The following MACF1 variants were observed in gnomAD, a reference collection of about 807,000 sequenced individuals.
MACF1 encodes the protein microtubule-actin cross-linking factor 1.
A neutral mutation model predicts 854.8 loss-of-function variants in MACF1; 193 were observed. That is an observed-to-expected ratio of 0.23 (90% CI 0.20 to 0.25). MACF1 has a LOEUF of 0.25. Among genes scored for constraint, MACF1 ranks in the 10% least tolerant of loss-of-function variants. The pLI, the probability that MACF1 is intolerant of heterozygous loss-of-function variation, is 1.00. For missense variants in MACF1, 7,722 were observed against 8,929.1 expected (o/e 0.86, Z 5.45); for synonymous variants, 3,185 against 3,226.7 (o/e 0.99, Z 0.44).
intron 15 of MACF1, among the ~76,000 whole-genome samples, chr1:39,289,875 A>AT (rs1258542996): frequency 6.6e-6 from 1 of 151,208 alleles, no homozygotes; most frequent in Non-Finnish European, 1.5e-5. Context: ...CTAATTTTGT[A>AT]TTTTTAGTAG....
chr1:39,379,123 G>A, intron 53 of MACF1, 80 bp from the exon 54 acceptor site: 1 of 1,383,794 alleles, frequency 7.2e-7, no homozygotes, highest in Non-Finnish European at 9.8e-7. Context: ...TAAGAGAGAT[G>A]CAAGTAATTT....
rs1197959645 is a variant in MACF1 at position 39,331,263 on chromosome 1, A to G, written c.4675A>G (p.Lys1559Glu). 2 of 1,611,544 alleles carry G rather than the reference A, an allele frequency of 1.2e-6. No homozygotes were observed. Among genetic ancestry groups the G allele is most frequent in the Admixed American group, 3.3e-5 (2 of 59,730 alleles). The change falls in exon 37 of 101, where the codon AAA becomes GAA. Residue 1559 changes from lysine to glutamate, a missense_variant. By Grantham distance (56) the Lys-to-Glu change is moderately conservative. This residue lies in a region of MACF1 where 1,531 missense variants were observed against 1,601.6 expected (regional missense o/e 0.96). Transcript: ENST00000564288. ...LGTVEIFPIF[K>E]AMQKGLLDQD... ...CACAGTGGAGATATTTCCCATCTTC[A>G]AAGCCATGCAAAAGGGCCTCCTTGA...
intron 58 of MACF1, among the ~76,000 whole-genome samples, chr1:39,390,628 C>A (rs1310132456): frequency 6.6e-6 from 1 of 152,148 alleles, no homozygotes; most frequent in African/African-American, 2.4e-5. Flanking sequence ...TGTGGCCTTC[C>A]CTGTTTCAGC....
At chr1:39,162,587 C>T (rs961497378) in intron 2 of MACF1, among the ~76,000 whole-genome samples, 4 of 152,124 alleles carry the variant, frequency 2.6e-5, no homozygotes, top group Admixed American at 2.0e-4. Context: ...TGTTTTAGAG[C>T]ATATCACATT....
chr1:39,146,579 C>T (rs998662729), intron 2 of MACF1, among the ~76,000 whole-genome samples: 2 of 151,892 alleles, frequency 1.3e-5, no homozygotes, highest in African/African-American at 4.8e-5. Flanking sequence ...TTATGTTAAG[C>T]GAAATAAGCC....
intron 2 of MACF1, among the ~76,000 whole-genome samples, chr1:39,100,833 G>A (rs1333122025): frequency 1.3e-5 from 2 of 152,092 alleles, no homozygotes; most frequent in Admixed American, 6.6e-5. Context: ...TAGCCTGGGT[G>A]ACAGAGTGAG....
At chr1:39,474,652 C>G (rs1334398034) in intron 97 of MACF1, among the ~76,000 whole-genome samples, 1 of 152,072 alleles carries the variant, frequency 6.6e-6, no homozygotes, top group African/African-American at 2.4e-5. Context: ...TGAGATTGTG[C>G]CACTGCACTC....
Position 39,084,284 on chromosome 1 carries a change from T to C in MACF1, c.66T>C (p.Ser22=), listed in dbSNP as rs756157511. 42 of 1,613,714 alleles carry C rather than the reference T, an allele frequency of 2.6e-5. No individual in the cohort carries two copies. The highest frequency in any genetic ancestry group is 3.4e-5 in the Non-Finnish European group (40 of 1,179,976). Residue 22 remains serine (S), a synonymous_variant, in exon 2 of 94, where the codon AGT becomes AGC. Transcript: ENST00000361689. The surrounding 1 kb of genome is among the most constrained non-coding windows in gnomAD (Gnocchi z 5.2). Reference sequence around the variant, plus strand: ...GTCGGAGTGAGCGGTCTTGTCGGAGTGAGCGATCTTACAGGAGCGAGCGGT... The same window carrying C: ...GTCGGAGTGAGCGGTCTTGTCGGAGCGAGCGATCTTACAGGAGCGAGCGGT...
At chr1:39,294,754 A>T (rs1207954669) in intron 18 of MACF1, among the ~76,000 whole-genome samples, 1 of 152,198 alleles carries the variant, frequency 6.6e-6, no homozygotes, top group Non-Finnish European at 1.5e-5. Flanking sequence ...GACGTGCAGG[A>T]ACTGTCCACT....
In MACF1 at chr1:39,409,301, G is replaced by C. The variant is rs965690283; in HGVS notation, c.15817-13073G>C. Reference sequence around the variant, plus strand: ...CACGGCGTGGCGGCTGCGGGCCGGGGACTGGCGGCGGCGGGCGAGGCGGCG... The same window carrying C: ...CACGGCGTGGCGGCTGCGGGCCGGGCACTGGCGGCGGCGGGCGAGGCGGCG... On this transcript the variant is annotated intron_variant, in intron 58 of 100. Coordinates refer to ENST00000564288, the MANE Select transcript of MACF1 (RefSeq NM_001394062.1). This position sits in a 1 kb window ranked among gnomAD's most constrained non-coding sequence, Gnocchi z 4.2. Among the ~76,000 whole-genome samples, 2 of 152,062 alleles carry C rather than the reference G, an allele frequency of 1.3e-5. No individual in the cohort carries two copies. The highest frequency in any genetic ancestry group is 2.9e-5 in the Non-Finnish European group (2 of 67,968).
At position 39,204,995 on chromosome 1, in the gene MACF1, C is replaced by G. The variant is rs1557516992; in HGVS notation, c.-28C>G. ...GCCTGCGCTGAGCTTGTGGCTAACT[C>G]AAGGGAGGAGAAAGGACGGGCCTGG... is the stretch of plus-strand genomic sequence containing the variant. On this transcript the variant is annotated 5_prime_UTR_variant, in exon 1 of 101. Transcript: ENST00000564288. The G allele has an allele frequency of 2.8e-6, 2 of 702,606 alleles. No homozygotes were observed. Among genetic ancestry groups the G allele is most frequent in the East Asian group, 2.7e-5 (1 of 37,296 alleles). 43.5% of individuals were successfully genotyped at this position (702,606 alleles called of 1,614,324 possible).
rs562281465 is a variant in MACF1, at chr1:39,400,589, C to G, written c.15816+11931C>G. ...TGGCATGATCATGGCTCACTGCAGC[C>G]TCAACCTCCTAGGCTCAAGCGATCC... is the stretch of plus-strand genomic sequence containing the variant. On this transcript the variant is annotated intron_variant, in intron 58 of 100. Coordinates refer to ENST00000564288, the MANE Select transcript of MACF1 (RefSeq NM_001394062.1). 3.9e-5 allele frequency among the ~76,000 whole-genome samples: 6 copies of G among 152,052 alleles called. No homozygotes were observed. The South Asian group carries it at 1.2e-3, about 32-fold the overall frequency.
At chr1:39,361,293 T>A in intron 48 of MACF1, 67 bp from the exon 49 acceptor site, 1 of 1,467,112 alleles carries the variant, frequency 6.8e-7, no homozygotes, top group Non-Finnish European at 9.4e-7. Context: ...CATATAGTTA[T>A]TAGTTTGTGG....
intron 97 of MACF1, among the ~76,000 whole-genome samples, chr1:39,477,061 A>AG (rs1644902943): frequency 9.3e-5 from 2 of 21,450 alleles, no homozygotes; most frequent in Non-Finnish European, 1.5e-4. Flanking sequence ...ATATATATAT[A>AG]TATATATATA....
In MACF1 at chr1:39,334,812, T is replaced by G; in HGVS notation, c.8224T>G (p.Leu2742Val). 6.2e-7 allele frequency: 1 copy of G among 1,614,096 alleles called. No individual in the cohort carries two copies. Among genetic ancestry groups the G allele is most frequent in the South Asian group, 1.1e-5 (1 of 91,076 alleles). Residue 2742 changes from leucine (L) to valine (V), a missense_variant, in exon 37 of 101, where the codon TTA becomes GTA. Physicochemically the swap from Leu to Val is conservative, Grantham distance 32 (BLOSUM62 1). Transcript: ENST00000564288. Reference protein sequence around the residue: ...VDIFSDQRVTLVEAIEKRLIS... With the variant: ...VDIFSDQRVTVVEAIEKRLIS... ...CATATTTAGTGATCAGAGAGTGACTTTAGTAGAAGCTATTGAGAAAAGACT... is the reference window on the plus strand; with the variant it reads ...CATATTTAGTGATCAGAGAGTGACTGTAGTAGAAGCTATTGAGAAAAGACT...
Position 39,368,326 on chromosome 1 carries a change from C to T in MACF1, c.12938+12C>T, listed in dbSNP as rs755514501. On this transcript the variant is annotated intron_variant, in intron 50 of 100. Coordinates refer to ENST00000564288, the MANE Select transcript of MACF1 (RefSeq NM_001394062.1). ...ACAGTTAAAGAGAGGTGAGTTATCACTTGTGTTGGTCAGCATTGGGGAACT... is the reference window on the plus strand; with the variant it reads ...ACAGTTAAAGAGAGGTGAGTTATCATTTGTGTTGGTCAGCATTGGGGAACT... 1 of 1,608,442 alleles carries T rather than the reference C, an allele frequency of 6.2e-7. No individual in the cohort carries two copies. Among genetic ancestry groups the T allele is most frequent in the African/African-American group, 1.3e-5 (1 of 74,946 alleles).
chr1:39,370,243 T>C, intron 51 of MACF1, 57 bp downstream of exon 51: 1 of 1,442,716 alleles, frequency 6.9e-7, no homozygotes, highest in Non-Finnish European at 9.3e-7. Flanking sequence ...AATACTTGTA[T>C]TAACTGGTCT....
intron 2 of MACF1, among the ~76,000 whole-genome samples, chr1:39,191,199 C>CTTTTT (rs10708375): frequency 1.5e-5 from 2 of 135,452 alleles, no homozygotes; most frequent in Non-Finnish European, 1.6e-5. Context: ...TTCTTTCTTT[C>CTTTTT]TTTTTTTTTT....
intron 55 of MACF1, among the ~76,000 whole-genome samples, chr1:39,381,144 G>A (rs1295814726): frequency 6.6e-6 from 1 of 151,580 alleles, no homozygotes; most frequent in Non-Finnish European, 1.5e-5. Context: ...CGCAACCTCC[G>A]CCTCCCAGGT....
Sources: allele counts gnomAD v4.1 joint callset (sites outside exome capture counted in the v4.1 genomes callset), GRCh38; gene constraint gnomAD v4.1.1; regional missense constraint gnomAD v4.1.1; non-coding constraint Gnocchi (gnomAD v3.1); transcripts MANE v1.5; gene names NCBI Gene and HGNC (gene_info 2026-07-23, HGNC 2026-07-21).